The following SV2B variants were observed in gnomAD, a reference collection of about 807,000 sequenced individuals.
The protein encoded by SV2B is synaptic vesicle glycoprotein 2B, also known as solute carrier family 22 member B2.
SV2B carries 41 observed loss-of-function variants against 73.9 expected under a neutral mutation model. The observed-to-expected ratio is 0.56, with a 90% CI of 0.43 to 0.72. SV2B has a LOEUF of 0.72. SV2B is among the 30% of genes least tolerant of loss of function. The probability of loss-of-function intolerance (pLI) is 0.00; values close to 1 mark genes in which losing one functional copy is unlikely to be tolerated. For synonymous variants in SV2B, 314 were observed against 314.2 expected (o/e 1.00, Z 0.01); for missense variants, 764 against 857.8 (o/e 0.89, Z 1.37).
intron 1 of SV2B, among the ~76,000 whole-genome samples, chr15:91,173,277 A>T (rs143745612): frequency 1.1e-4 from 16 of 152,276 alleles, no homozygotes; most frequent in African/African-American, 3.4e-4. Context: ...GAGGAGGGCA[A>T]GGAGAGTGCA....
intron 1 of SV2B, among the ~76,000 whole-genome samples, chr15:91,144,616 G>C (rs923467657): frequency 3.3e-5 from 5 of 152,180 alleles, no homozygotes; most frequent in African/African-American, 1.2e-4. Flanking sequence ...TCAAAGCTGA[G>C]AGACTTGCTG....
chr15:91,146,612 C>T (rs1183754074), intron 1 of SV2B, among the ~76,000 whole-genome samples: 1 of 152,178 alleles, frequency 6.6e-6, no homozygotes, highest in African/African-American at 2.4e-5. Flanking sequence ...TGTGTCATCT[C>T]TGATTTCTCT....
At position 91,258,314 on chromosome 15, in the gene SV2B, G is replaced by GT; in HGVS notation, c.785-106dup. On this transcript the variant is annotated intron_variant, in intron 4 of 12. Transcript: ENST00000394232. The surrounding 1 kb of genome is among the most constrained non-coding windows in gnomAD (Gnocchi z 4.7). ...GTCTGCATTTTAACCACCTCCCCGG[G>GT]TGACTCTCTTGTGCCCTGAAGTTTG... 6.7e-7 allele frequency: 1 copy of GT among 1,492,806 alleles called. No homozygotes were observed. Among genetic ancestry groups the GT allele is most frequent in the Non-Finnish European group, 9.0e-7 (1 of 1,111,772 alleles). 92.5% of individuals were successfully genotyped at this position (1,492,806 alleles called of 1,614,324 possible). A position where few individuals can be genotyped will look rare whatever the true frequency, so the allele number is the denominator to read the frequency against.
chr15:91,210,568 A>G (rs527501480), intron 1 of SV2B, among the ~76,000 whole-genome samples: 13 of 152,208 alleles, frequency 8.5e-5, no homozygotes, highest in African/African-American at 9.6e-5. Flanking sequence ...GTGTTGGGGA[A>G]TGATCCTGGA....
intron 1 of SV2B, among the ~76,000 whole-genome samples, chr15:91,172,203 C>T (rs1393933028): frequency 6.6e-6 from 1 of 152,242 alleles, no homozygotes; most frequent in Non-Finnish European, 1.5e-5. Flanking sequence ...TCTTTCCAGC[C>T]TCTTCTCCTC....
At chr15:91,278,142 A>G (rs1029473200) in intron 9 of SV2B, among the ~76,000 whole-genome samples, 18 of 152,190 alleles carry the variant, frequency 1.2e-4, no homozygotes, top group African/African-American at 4.1e-4. Context: ...GCCATCTCCT[A>G]AGTCCACTCT....
chr15:91,161,873 A>G (rs1289217905), intron 1 of SV2B, among the ~76,000 whole-genome samples: 1 of 152,206 alleles, frequency 6.6e-6, no homozygotes, highest in Non-Finnish European at 1.5e-5. Flanking sequence ...GTCTCTCACA[A>G]AAGTATTTGC....
chr15:91,200,709 T>C (rs1437958075), intron 1 of SV2B, among the ~76,000 whole-genome samples: 4 of 152,082 alleles, frequency 2.6e-5, no homozygotes, highest in Non-Finnish European at 2.9e-5. Context: ...AGGAGTTTGA[T>C]ACCAGACGGG....
intron 1 of SV2B, among the ~76,000 whole-genome samples, chr15:91,160,566 C>G (rs1318749830): frequency 6.6e-6 from 1 of 152,178 alleles, no homozygotes; most frequent in African/African-American, 2.4e-5. Flanking sequence ...TGAGATCATG[C>G]CACTGCACTC....
chr15:91,284,254 A>G lies in SV2B; in HGVS notation c.1708+33A>G, dbSNP rs749480312. On this transcript the variant is annotated intron_variant, in intron 11 of 12. Coordinates refer to ENST00000394232, the MANE Select transcript of SV2B (RefSeq NM_001323032.3). The surrounding 1 kb of genome is among the most constrained non-coding windows in gnomAD (Gnocchi z 4.5). ...GCCAGCAGGGTCATTCCTGGGTTCC[A>G]ACGCGCTGGGGTGGTGACTTTCAAG... 4 of 1,610,618 alleles carry G rather than the reference A, an allele frequency of 2.5e-6. No homozygotes were observed.
chr15:91,205,410 C>T (rs2045599239), intron 1 of SV2B, among the ~76,000 whole-genome samples: 1 of 151,728 alleles, frequency 6.6e-6, no homozygotes, highest in African/African-American at 2.4e-5. Flanking sequence ...CTCTGTTGCC[C>T]AGGCTGGAGT....
chr15:91,160,421 A>G (rs1202546229), intron 1 of SV2B, among the ~76,000 whole-genome samples: 1 of 152,194 alleles, frequency 6.6e-6, no homozygotes, highest in Non-Finnish European at 1.5e-5. Context: ...CAGCCTAGCC[A>G]ACATAGTGAA....
rs990276167 is a variant in SV2B at position 91,132,388 on chromosome 15, G to A, written c.-392+32025G>A. On this transcript the variant is annotated intron_variant, in intron 1 of 12. Coordinates refer to ENST00000394232, the MANE Select transcript of SV2B (RefSeq NM_001323032.3). This position sits in a 1 kb window ranked among gnomAD's most constrained non-coding sequence, Gnocchi z 4.6. ...TGGTTGCAAAAACAATCAGGGGTTA[G>A]GGTGAAGTAAAGTTATACTTCTATG... Among the ~76,000 whole-genome samples, 2 of 152,222 alleles carry A rather than the reference G, an allele frequency of 1.3e-5. No individual in the cohort carries two copies. Among genetic ancestry groups the A allele is most frequent in the Non-Finnish European group, 2.9e-5 (2 of 68,046 alleles).
At chr15:91,109,998 T>G (rs988790347) in intron 1 of SV2B, among the ~76,000 whole-genome samples, 5 of 152,210 alleles carry the variant, frequency 3.3e-5, no homozygotes, top group Non-Finnish European at 5.9e-5. Flanking sequence ...GTGCTGGGAT[T>G]ACAGGCATGA....
rs1164626601 is a variant in SV2B at position 91,100,593 on chromosome 15, C to T, written c.-392+230C>T. 6.6e-6 allele frequency among the ~76,000 whole-genome samples: 1 copy of T among 152,214 alleles called. No individual in the cohort carries two copies. Among genetic ancestry groups the T allele is most frequent in the Non-Finnish European group, 1.5e-5 (1 of 68,042 alleles). On this transcript the variant is annotated intron_variant, in intron 1 of 12. Coordinates refer to ENST00000394232, the MANE Select transcript of SV2B (RefSeq NM_001323032.3). This position sits in a 1 kb window ranked among gnomAD's most constrained non-coding sequence, Gnocchi z 6.4. The stretch of plus-strand genomic sequence containing the variant: ...TGTGCGCTTCTTTGAAAGCGGCCTC[C>T]CCAAGGGCTGTTTTAAAACCCTGTT...
chr15:91,242,017 CT>C lies in SV2B; in HGVS notation c.452-9800del, dbSNP rs34850581. On this transcript the variant is annotated intron_variant, in intron 2 of 12. Coordinates refer to ENST00000394232, the MANE Select transcript of SV2B (RefSeq NM_001323032.3). This position sits in a 1 kb window ranked among gnomAD's most constrained non-coding sequence, Gnocchi z 4.9. ...ATCCTCGCCTCTTCAGAAACCTGCT[CT>C]TGTCTAGATCACTCTTGGCCTCCAC... Among the ~76,000 whole-genome samples, 41,595 of 152,114 alleles carry C rather than the reference CT, an allele frequency of 0.27. 7,827 individuals are homozygous for C. The highest frequency in any genetic ancestry group is 0.54 in the African/African-American group (22,319 of 41,432).
intron 1 of SV2B, among the ~76,000 whole-genome samples, chr15:91,195,985 T>C (rs1452253113): frequency 2.0e-5 from 3 of 152,224 alleles, no homozygotes; most frequent in South Asian, 4.1e-4. Flanking sequence ...TGTCTATTTC[T>C]TTAAAAAAAT....
rs749584517 is a variant in SV2B, at chr15:91,252,401, A to G, written c.665A>G (p.Tyr222Cys). The G allele has an allele frequency of 3.7e-6, 6 of 1,611,510 alleles. 1 individual carries two copies. The highest frequency in any genetic ancestry group is 2.2e-5 in the South Asian group (2 of 90,746). ...IGGALPIVFAYFSEFLSREKR... is the reference protein window; with the variant it reads ...IGGALPIVFACFSEFLSREKR... ...GGTGCTCTACCGATTGTTTTTGCCT[A>G]TTTTTCTGAATTCTTGTCTCGGGAG... Residue 222 changes from tyrosine to cysteine, a missense_variant, in exon 4 of 13, where the codon TAT becomes TGT. Transcript: ENST00000394232. This position sits in a 1 kb window ranked among gnomAD's most constrained non-coding sequence, Gnocchi z 4.6.
chr15:91,115,633 T>C lies in SV2B; in HGVS notation c.-392+15270T>C, dbSNP rs2042158456. Among the ~76,000 whole-genome samples the C allele has an allele frequency of 6.6e-6, 1 of 151,998 alleles. No individual in the cohort carries two copies. The highest frequency in any genetic ancestry group is 1.5e-5 in the Non-Finnish European group (1 of 68,014). On this transcript the variant is annotated intron_variant, in intron 1 of 12. Coordinates refer to ENST00000394232, the MANE Select transcript of SV2B (RefSeq NM_001323032.3). The surrounding 1 kb of genome is among the most constrained non-coding windows in gnomAD (Gnocchi z 4.3). Reference sequence around the variant, plus strand: ...CTCAAGCGATCCACCCGCCTCGACCTCTCAAAGTGCTGGGATTACAGGTGT... The same window carrying C: ...CTCAAGCGATCCACCCGCCTCGACCCCTCAAAGTGCTGGGATTACAGGTGT...
Sources: allele counts gnomAD v4.1 joint callset (sites outside exome capture counted in the v4.1 genomes callset), GRCh38; gene constraint gnomAD v4.1.1; non-coding constraint Gnocchi (gnomAD v3.1); transcripts MANE v1.5; gene names NCBI Gene and HGNC (gene_info 2026-07-23, HGNC 2026-07-21).